The following PGM2 variants were observed in gnomAD, a reference collection of about 807,000 sequenced individuals.
The protein encoded by PGM2 is phosphoglucomutase 2, also known as phosphopentomutase.
In PGM2, 57 loss-of-function variants were observed where a neutral mutation model predicts 74.6. The observed-to-expected ratio is 0.76, with a 90% CI of 0.62 to 0.95. PGM2 has a LOEUF of 0.95. PGM2 is among the 40% of genes least tolerant of loss of function. The probability of loss-of-function intolerance (pLI) is 0.00; values close to 1 mark genes in which losing one functional copy is unlikely to be tolerated. For synonymous variants in PGM2, 273 were observed against 260.7 expected, an observed-to-expected ratio of 1.05 and a Z score of -0.46; for missense variants, 706 against 741.9, an observed-to-expected ratio of 0.95 and a Z score of 0.56.
intron 2 of PGM2, among the ~76,000 whole-genome samples, chr4:37,831,319 G>A (rs1725439301): frequency 6.6e-6 from 1 of 152,082 alleles, no homozygotes; most frequent in Non-Finnish European, 1.5e-5. Context: ...ATCCTGTTTG[G>A]TTCATGGATA....
intron 2 of PGM2, among the ~76,000 whole-genome samples, chr4:37,832,661 A>G (rs1725468577): frequency 6.6e-6 from 1 of 152,128 alleles, no homozygotes; most frequent in Non-Finnish European, 1.5e-5. Context: ...AGATTATTTA[A>G]TTTAGCCATA....
intron 4 of PGM2, 163 bp from the exon 5 acceptor site, chr4:37,839,685 T>A: frequency 1.4e-6 from 1 of 698,352 alleles, no homozygotes; most frequent in Non-Finnish European, 2.6e-6. Context: ...ATTCTAAGGG[T>A]AATTGCATAC....
rs1482915398 is a variant in PGM2, at chr4:37,834,621, T to G, written c.253T>G (p.Phe85Val). ...TAAATCTATGGTGTATTTGTAGGGATTTTGCAGATACCTGGAAAAACAATT... is the reference window on the plus strand; with the variant it reads ...TAAATCTATGGTGTATTTGTAGGGAGTTTGCAGATACCTGGAAAAACAATT... ...DLTIIQTTQG[F>V]CRYLEKQFSD... The change falls in exon 3 of 14, where the codon TTT becomes GTT. Residue 85 changes from phenylalanine to valine, a missense_variant. Transcript: ENST00000381967. The G allele has an allele frequency of 1.3e-6, 2 of 1,501,898 alleles. No homozygotes were observed. Among genetic ancestry groups the G allele is most frequent in the South Asian group, 2.3e-5 (2 of 87,420 alleles). 93.0% of individuals were successfully genotyped at this position (1,501,898 alleles called of 1,614,324 possible).
At chr4:37,855,772 T>G (rs770706681) in intron 13 of PGM2, 31 bp downstream of exon 13, 14 of 1,569,502 alleles carry the variant, frequency 8.9e-6, no homozygotes, top group Non-Finnish European at 1.1e-5. Flanking sequence ...GGTGTGATTT[T>G]TACTCCCCAG....
At position 37,837,510 on chromosome 4, in the gene PGM2, T is replaced by G. The variant is rs1725598740; in HGVS notation, c.357-19T>G. On this transcript the variant is annotated intron_variant, in intron 3 of 13. Transcript: ENST00000381967. ...ATCACTCAACTCTCCTTTTCTTCCC[T>G]GTCACTCTGCATTCTCAGGTTTGCC... 19 of 1,509,220 alleles carry G rather than the reference T, an allele frequency of 1.3e-5. No homozygotes were observed. Among genetic ancestry groups the G allele is most frequent in the Non-Finnish European group, 1.8e-5 (19 of 1,084,336 alleles). 93.5% of individuals were successfully genotyped at this position (1,509,220 alleles called of 1,614,324 possible).
chr4:37,830,480 T>C (rs1228238708), intron 2 of PGM2, among the ~76,000 whole-genome samples: 1 of 152,228 alleles, frequency 6.6e-6, no homozygotes, highest in Non-Finnish European at 1.5e-5. Flanking sequence ...TAAGGTCCTG[T>C]AATTTTTGCC....
intron 12 of PGM2, among the ~76,000 whole-genome samples, chr4:37,854,849 G>A (rs1045753412): frequency 2.3e-4 from 35 of 152,080 alleles, no homozygotes; most frequent in African/African-American, 8.2e-4. Context: ...AACTAGGGAA[G>A]TAAAAGCTAA....
chr4:37,839,627 C>T (rs1293062429), intron 4 of PGM2: 2 of 661,428 alleles, frequency 3.0e-6, no homozygotes, highest in Admixed American at 4.1e-5. Flanking sequence ...GGAAATTACT[C>T]ACCTTTCTTA....
chr4:37,856,242 G>A (rs936756021), intron 13 of PGM2, among the ~76,000 whole-genome samples: 17 of 151,996 alleles, frequency 1.1e-4, no homozygotes, highest in South Asian at 2.1e-4. Context: ...AAAATTAGCC[G>A]GGCGTGGTGG....
chr4:37,834,929 G>T (rs1053763385), intron 3 of PGM2, among the ~76,000 whole-genome samples: 6 of 152,174 alleles, frequency 3.9e-5, no homozygotes, highest in Non-Finnish European at 7.3e-5. Context: ...AATTTAGAAT[G>T]TAATACCTAG....
chr4:37,826,765 G>A lies in PGM2; in HGVS notation c.33G>A (p.Glu11=). 1 of 1,549,908 alleles carries A rather than the reference G, an allele frequency of 6.5e-7. No individual in the cohort carries two copies. Residue 11 remains glutamate (E), a synonymous_variant, in exon 1 of 14, where the codon GAG becomes GAA. Coordinates refer to ENST00000381967, the MANE Select transcript of PGM2 (RefSeq NM_018290.4). ...CTCCAGAAGGCAGCGGTCTAGGCGA[G>A]GACGCCCGGCTGGACCAGGAGACCG... MAAPEGSGLG[E]DARLDQETAQ...
intron 8 of PGM2, among the ~76,000 whole-genome samples, chr4:37,845,944 G>T (rs1372163226): frequency 6.6e-6 from 1 of 152,146 alleles, no homozygotes; most frequent in African/African-American, 2.4e-5. Context: ...GCATAATGCA[G>T]AGTAAATCAA....
chr4:37,845,577 C>A, intron 7 of PGM2, 56 bp from the exon 8 acceptor site: 3 of 1,189,492 alleles, frequency 2.5e-6, no homozygotes, highest in South Asian at 1.2e-5. Flanking sequence ...TTTTTAAAGA[C>A]TATCATATGC....
Position 37,839,279 on chromosome 4 carries a change from A to C in PGM2, c.442-569A>C, listed in dbSNP as rs555206538. On this transcript the variant is annotated intron_variant, in intron 4 of 13. Transcript: ENST00000381967. Reference sequence around the variant, plus strand: ...GATTACAGGCGCCCATGCCTGGCTAATTTTTTTGTATTTTTAGTAGAGACA... The same window carrying C: ...GATTACAGGCGCCCATGCCTGGCTACTTTTTTTGTATTTTTAGTAGAGACA... 2.7e-3 allele frequency among the ~76,000 whole-genome samples: 414 copies of C among 151,564 alleles called. 6 individuals are homozygous for C. Among genetic ancestry groups the C allele is most frequent in the African/African-American group, 9.5e-3 (392 of 41,340 alleles).
chr4:37,841,074 A>G (rs765636397), intron 6 of PGM2, among the ~76,000 whole-genome samples: 8 of 27,086 alleles, frequency 3.0e-4, no homozygotes, highest in East Asian at 1.2e-3. Context: ...ATGCAAGCGT[A>G]TATATATATA....
At chr4:37,839,700 G>A in intron 4 of PGM2, 148 bp from the exon 5 acceptor site, 1 of 698,504 alleles carries the variant, frequency 1.4e-6, no homozygotes, top group Non-Finnish European at 2.6e-6. Context: ...GCATACTGCT[G>A]GGGTGTGGCT....
chr4:37,851,522 T>C (rs1023977209), intron 12 of PGM2, among the ~76,000 whole-genome samples: 2 of 152,218 alleles, frequency 1.3e-5, no homozygotes, highest in African/African-American at 4.8e-5. Flanking sequence ...AATATCCTTA[T>C]GAGATGTTAG....
chr4:37,845,665 G>A lies in PGM2; in HGVS notation c.942G>A (p.Lys314=), dbSNP rs1353495452. The change falls in exon 8 of 14, where the codon AAG becomes AAA. Residue 314 remains lysine, a synonymous_variant. Transcript: ENST00000381967. ...TLSFALADKT[K]ARIVLANDPD... ...CTTTTGCTTTGGCTGACAAAACCAA[G>A]GCCAGAATTGTTTTAGCTAACGACC... 4 of 1,613,308 alleles carry A rather than the reference G, an allele frequency of 2.5e-6. No individual in the cohort carries two copies. The highest frequency in any genetic ancestry group is 4.5e-5 in the East Asian group (2 of 44,884).
chr4:37,830,136 C>G lies in PGM2; in HGVS notation c.249+5C>G, dbSNP rs1246234807. 1 of 1,529,768 alleles carries G rather than the reference C, an allele frequency of 6.5e-7. No homozygotes were observed. Among genetic ancestry groups the G allele is most frequent in the East Asian group, 2.4e-5 (1 of 42,342 alleles). The allele number at this position is 1,529,768 out of a possible 1,614,324, so 94.8% of individuals were successfully genotyped here. A position where few individuals can be genotyped will look rare whatever the true frequency, so the allele number is the denominator to read the frequency against. On this transcript the variant is annotated splice_donor_5th_base_variant and intron_variant, in intron 2 of 13. Coordinates refer to ENST00000381967, the MANE Select transcript of PGM2 (RefSeq NM_018290.4). ...ACCATCATCCAGACTACACAGGTAC[C>G]ATGTTTTTTATAATTCTTAGTAACT...
Sources: allele counts gnomAD v4.1 joint callset (sites outside exome capture counted in the v4.1 genomes callset), GRCh38; gene constraint gnomAD v4.1.1; transcripts MANE v1.5; gene names NCBI Gene and HGNC (gene_info 2026-07-23, HGNC 2026-07-21).